BPTF: variants seen among roughly 807,000 people sequenced by gnomAD.
BPTF encodes bromodomain PHD finger transcription factor.
A neutral mutation model predicts 292.5 loss-of-function variants in BPTF; 18 were observed. That is an observed-to-expected ratio of 0.06 (90% CI 0.04 to 0.09). BPTF has a LOEUF of 0.09. BPTF is among the 10% of genes least tolerant of loss of function. The probability of loss-of-function intolerance (pLI) is 1.00; values close to 1 mark genes in which losing one functional copy is unlikely to be tolerated. For synonymous variants in BPTF, 1,225 were observed against 1,251.9 expected, an observed-to-expected ratio of 0.98 and a Z score of 0.45; for missense variants, 2,726 against 3,498.7, an observed-to-expected ratio of 0.78 and a Z score of 5.57.
At chr17:67,913,665 T>C (rs755639145) in intron 11 of BPTF, among the ~76,000 whole-genome samples, 19 of 152,214 alleles carry the variant, frequency 1.2e-4, no homozygotes, top group Non-Finnish European at 1.6e-4. Flanking sequence ...TAAACATTTG[T>C]TTTGGAGTTC....
Position 67,904,780 on chromosome 17 carries a change from A to G in BPTF, c.2752A>G (p.Arg918Gly). 3 of 1,613,004 alleles carry G rather than the reference A, an allele frequency of 1.9e-6. No individual in the cohort carries two copies. The highest frequency in any genetic ancestry group is 2.5e-6 in the Non-Finnish European group (3 of 1,179,096). ...CTGGATTAGTAAAACTCATGTTTAT[A>G]GGTTTGTTCCTAAATTGCCAGGCAA... Reference protein sequence around the residue: ...WSWISKTHVYRFVPKLPGNTN... With the variant: ...WSWISKTHVYGFVPKLPGNTN... The change falls in exon 9 of 28, where the codon AGG (arginine) becomes GGG (glycine). Residue 918 changes from arginine to glycine, a missense_variant. Around this residue, in one of 22 missense-constraint regions of BPTF, gnomAD observed 99 missense variants for 227.1 expected, o/e 0.44. Coordinates refer to ENST00000306378, the MANE Select transcript of BPTF (RefSeq NM_182641.4).
Position 67,883,316 on chromosome 17 carries a change from A to AAAT in BPTF, c.1864+8315_1864+8317dup, listed in dbSNP as rs147586034. 5.4e-3 allele frequency among the ~76,000 whole-genome samples: 826 copies of AAAT among 151,934 alleles called. 12 individuals are homozygous for AAAT. Among genetic ancestry groups the AAAT allele is most frequent in the Admixed American group, 0.036 (547 of 15,274 alleles). ...GGGCGACAGAGCGAGACTCCATCTA[A>AAAT]AATAATAATAATAATAATAATCCTT... On this transcript the variant is annotated intron_variant, in intron 4 of 27. Coordinates refer to ENST00000306378, the MANE Select transcript of BPTF (RefSeq NM_182641.4).
At chr17:67,973,037 TTATA>T (rs202136205) in intron 26 of BPTF, among the ~76,000 whole-genome samples, 1 of 143,090 alleles carries the variant, frequency 7.0e-6, no homozygotes, top group African/African-American at 2.6e-5. Context: ...ATATATATAT[TTATA>T]TATATATATA....
chr17:67,846,903 G>A lies in BPTF; in HGVS notation c.614-7037G>A, dbSNP rs966381496. Among the ~76,000 whole-genome samples the A allele has an allele frequency of 2.6e-5, 4 of 152,146 alleles. No homozygotes were observed. The East Asian group carries it at 7.8e-4, about 29-fold the overall frequency. ...TTTAGTAGAGACAGGGTTTCGCCAT[G>A]TTGGCCAGGCTGGTCCTAAACTCCG... On this transcript the variant is annotated intron_variant, in intron 1 of 27. Coordinates refer to ENST00000306378, the MANE Select transcript of BPTF (RefSeq NM_182641.4).
At chr17:67,904,401 T>G (rs1403888774) in intron 8 of BPTF, among the ~76,000 whole-genome samples, 2 of 152,234 alleles carry the variant, frequency 1.3e-5, no homozygotes, top group African/African-American at 4.8e-5. Flanking sequence ...TACAAAGCAT[T>G]GGTTTATCTT....
chr17:67,905,624 G>A (rs2062130876), intron 9 of BPTF, among the ~76,000 whole-genome samples: 1 of 151,908 alleles, frequency 6.6e-6, no homozygotes, highest in Admixed American at 6.6e-5. Context: ...CAGGAGGATT[G>A]CTTGAGGCCA....
At chr17:67,923,078 C>G in intron 14 of BPTF, 88 bp downstream of exon 14, 1 of 1,298,356 alleles carries the variant, frequency 7.7e-7, no homozygotes, top group East Asian at 2.5e-5. Flanking sequence ...TTTTTTGAGA[C>G]AGGATCTTGC....
At position 67,940,291 on chromosome 17, in the gene BPTF, A is replaced by G. The variant is rs898929934; in HGVS notation, c.6260-148A>G. On this transcript the variant is annotated intron_variant, in intron 18 of 27. Transcript: ENST00000306378. ...CCAGGCAGGACCTTTGGATGTGGGT[A>G]TATGTCTGAATGTATCCTTAGGCTC... The G allele has an allele frequency of 5.1e-5, 37 of 728,042 alleles. No individual in the cohort carries two copies. In the African/African-American group the frequency reaches 5.3e-4, roughly 10 times the overall value. The allele number at this position is 728,042 out of a possible 1,614,324, so 45.1% of individuals were successfully genotyped here. A position where few individuals can be genotyped will look rare whatever the true frequency, so the allele number is the denominator to read the frequency against.
chr17:67,964,585 C>T (rs139265808), intron 25 of BPTF, among the ~76,000 whole-genome samples, 181 bp downstream of exon 25: 1,762 of 152,304 alleles, frequency 0.012, 16 homozygotes, highest in Non-Finnish European at 0.017. Flanking sequence ...TACCATATCC[C>T]CACACCACGT....
chr17:67,895,108 A>G (rs757784710), intron 7 of BPTF, among the ~76,000 whole-genome samples: 7 of 152,136 alleles, frequency 4.6e-5, no homozygotes, highest in Non-Finnish European at 1.0e-4. Context: ...TTAAAATATA[A>G]ATACAAGCCA....
Position 67,947,848 on chromosome 17 carries a change from C to T in BPTF, c.7700+40C>T, listed in dbSNP as rs1230861909. The T allele has an allele frequency of 5.3e-6, 8 of 1,523,804 alleles. No homozygotes were observed. The African/African-American group carries it at 9.7e-5, about 18-fold the overall frequency. The allele number at this position is 1,523,804 out of a possible 1,614,324, so 94.4% of individuals were successfully genotyped here. On this transcript the variant is annotated intron_variant, in intron 22 of 27. Coordinates refer to ENST00000306378, the MANE Select transcript of BPTF (RefSeq NM_182641.4). ...GGGTCTTGTTGTCTGTCCGTCTCTTCTCTTTATCGTGCACACGCACAGAGT... is the reference window on the plus strand; with the variant it reads ...GGGTCTTGTTGTCTGTCCGTCTCTTTTCTTTATCGTGCACACGCACAGAGT...
chr17:67,919,211 A>G (rs1044934947), intron 12 of BPTF, among the ~76,000 whole-genome samples: 21 of 139,432 alleles, frequency 1.5e-4, no homozygotes, highest in African/African-American at 3.7e-4. Context: ...AATAATAATA[A>G]TAATAATAAA....
chr17:67,877,171 C>T (rs1598384960), intron 4 of BPTF, among the ~76,000 whole-genome samples: 2 of 152,288 alleles, frequency 1.3e-5, no homozygotes, highest in South Asian at 2.1e-4. Flanking sequence ...AATATACTAA[C>T]GGAGATGTAT....
At chr17:67,891,771 T>TTTTGGTGAAATAAGGTGGTTATAATTA in intron 4 of BPTF, 73 bp from the exon 5 acceptor site, 2 of 1,208,378 alleles carry the variant, frequency 1.7e-6, no homozygotes, top group South Asian at 3.8e-5. Context: ...CAGATACGAG[T>TTTTGGTGAAATAAGGTGGTTATAATTA]TTTGGTGAAA....
chr17:67,869,620 T>C (rs2059587513), intron 3 of BPTF, among the ~76,000 whole-genome samples: 1 of 152,130 alleles, frequency 6.6e-6, no homozygotes, highest in African/African-American at 2.4e-5. Flanking sequence ...CCTTCTCATA[T>C]TTTTTGCATT....
chr17:67,902,405 C>T (rs2061904749), intron 7 of BPTF, among the ~76,000 whole-genome samples: 1 of 152,200 alleles, frequency 6.6e-6, no homozygotes. Context: ...CGCCTTACTC[C>T]TGTAGCCTGA....
intron 17 of BPTF, among the ~76,000 whole-genome samples, chr17:67,929,941 C>G (rs577049622): frequency 1.1e-4 from 17 of 150,518 alleles, no homozygotes; most frequent in African/African-American, 4.2e-4. Flanking sequence ...CATGGCAAAA[C>G]CCCATCTCTA....
rs56335701 is a variant in BPTF at position 67,843,754 on chromosome 17, C to CTTTTTTTTTTTTTTTT, written c.614-10173_614-10158dup. ...TTTTTAAATTGTCTGGAGCAGTTGTCTTTTTTTTTTTTTTTTTTTTTTTTT... is the reference window on the plus strand; with the variant it reads ...TTTTTAAATTGTCTGGAGCAGTTGTCTTTTTTTTTTTTTTTTTTTTTTTTTTTTTTTTTTTTTTTTT... On this transcript the variant is annotated intron_variant, in intron 1 of 27. Transcript: ENST00000306378. Among the ~76,000 whole-genome samples, 22 of 62,228 alleles carry CTTTTTTTTTTTTTTTT rather than the reference C, an allele frequency of 3.5e-4. 4 individuals carry two copies. Among genetic ancestry groups the CTTTTTTTTTTTTTTTT allele is most frequent in the African/African-American group, 1.8e-3 (22 of 11,926 alleles). The allele number at this position is 62,228 out of a possible 152,430, so 40.8% of individuals were successfully genotyped here. A position where few individuals can be genotyped will look rare whatever the true frequency, so the allele number is the denominator to read the frequency against.
intron 17 of BPTF, among the ~76,000 whole-genome samples, chr17:67,930,433 A>C (rs979799824): frequency 1.3e-5 from 2 of 151,904 alleles, no homozygotes; most frequent in African/African-American, 4.8e-5. Context: ...TCCTGACCTC[A>C]GGTGATCCAC....
Sources: allele counts gnomAD v4.1 joint callset (sites outside exome capture counted in the v4.1 genomes callset), GRCh38; gene constraint gnomAD v4.1.1; regional missense constraint gnomAD v4.1.1; transcripts MANE v1.5; gene names NCBI Gene and HGNC (gene_info 2026-07-23, HGNC 2026-07-21).